Variants in SLCO4A1 observed in about 807,000 individuals in gnomAD.
SLCO4A1 encodes solute carrier organic anion transporter family member 4A1, also known as colon organic anion transporter.
In SLCO4A1, 51 loss-of-function variants were observed where a neutral mutation model predicts 64.6. The ratio of observed to expected loss-of-function variants is 0.79; its 90% CI spans 0.63 to 1.00. The LOEUF is 1.00. SLCO4A1 is among the 50% of genes least tolerant of loss of function. The pLI is 0.00. For missense variants in SLCO4A1, 919 were observed against 980.5 expected (o/e 0.94, Z 0.84); for synonymous variants, 471 against 444.9 (o/e 1.06, Z -0.74).
At chr20:62,681,830 A>G (rs1319138259) in intron 2 of SLCO4A1, among the ~76,000 whole-genome samples, 1 of 152,212 alleles carries the variant, frequency 6.6e-6, no homozygotes, top group African/African-American at 2.4e-5. Flanking sequence ...CACTGAAAAA[A>G]AAATCCGTTT....
intron 1 of SLCO4A1, among the ~76,000 whole-genome samples, chr20:62,653,588 C>T (rs1486390409): frequency 6.6e-6 from 1 of 152,252 alleles, no homozygotes; most frequent in Non-Finnish European, 1.5e-5. Flanking sequence ...ACCGGCTGCG[C>T]CTCCGCTCCC....
chr20:62,678,391 C>T (rs1442909822), intron 2 of SLCO4A1, among the ~76,000 whole-genome samples: 7 of 152,118 alleles, frequency 4.6e-5, no homozygotes, highest in Non-Finnish European at 7.4e-5. Context: ...GAGAGCAATA[C>T]GGCCGCTCGG....
chr20:62,684,875 A>G (rs1357492856), intron 2 of SLCO4A1, among the ~76,000 whole-genome samples: 1 of 152,156 alleles, frequency 6.6e-6, no homozygotes, highest in African/African-American at 2.4e-5. Flanking sequence ...TGGTGAGTTT[A>G]GTCTGCAGCA....
chr20:62,659,632 G>C (rs1488253457), intron 3 of SLCO4A1, among the ~76,000 whole-genome samples: 1 of 152,214 alleles, frequency 6.6e-6, no homozygotes, highest in Non-Finnish European at 1.5e-5. Context: ...TGCACAAAGT[G>C]GGGAGGCAGA....
chr20:62,677,698 T>G (rs1987657600), intron 2 of SLCO4A1, among the ~76,000 whole-genome samples: 1 of 152,226 alleles, frequency 6.6e-6, no homozygotes, highest in African/African-American at 2.4e-5. Context: ...GCACCCTCTT[T>G]TTGAGCCTGG....
At chr20:62,663,886 C>T (rs1985558652) in intron 5 of SLCO4A1, among the ~76,000 whole-genome samples, 1 of 152,200 alleles carries the variant, frequency 6.6e-6, no homozygotes, top group East Asian at 1.9e-4. Flanking sequence ...TGGTTTACAC[C>T]ATGCAACACG....
chr20:62,665,845 C>T (rs930747848), intron 6 of SLCO4A1: 2 of 153,046 alleles, frequency 1.3e-5, no homozygotes, highest in Non-Finnish European at 2.9e-5. Context: ...GTCCCCTCTC[C>T]ACCTGTCCCC....
In SLCO4A1 at chr20:62,661,412, GC is replaced by G. The variant is rs1471680376; in HGVS notation, c.1121+240del. On this transcript the variant is annotated intron_variant, in intron 5 of 11. Transcript: ENST00000217159. This position sits in a 1 kb window ranked among gnomAD's most constrained non-coding sequence, Gnocchi z 5.2. ...GTCCCAGAGTGGGGCCGGGGCCTCG[GC>G]CCGCACCCAGGGAGCCATCACTTCA... Among the ~76,000 whole-genome samples, 2 of 152,012 alleles carry G rather than the reference GC, an allele frequency of 1.3e-5. No individual in the cohort carries two copies. The highest frequency in any genetic ancestry group is 2.9e-5 in the Non-Finnish European group (2 of 67,958).
At position 62,656,450 on chromosome 20, in the gene SLCO4A1, C is replaced by T. The variant is rs372047921; in HGVS notation, c.-5C>T. 1.1e-4 allele frequency: 163 copies of T among 1,469,384 alleles called. No homozygotes were observed. In the African/African-American group the frequency reaches 1.8e-3, roughly 16 times the overall value. The allele number at this position is 1,469,384 out of a possible 1,614,324, so 91.0% of individuals were successfully genotyped here. A position where few individuals can be genotyped will look rare whatever the true frequency, so the allele number is the denominator to read the frequency against. On this transcript the variant is annotated 5_prime_UTR_variant, in exon 2 of 12. Transcript: ENST00000217159. ...GCCTCGAGGTCACCAGGCGGAGGCG[C>T]GGAGATGCCCCTGCATCAGCTGGGG...
rs1340670111 is a variant in SLCO4A1 at position 62,645,887 on chromosome 20, G to T, written c.-97+3334G>T. 6.6e-6 allele frequency among the ~76,000 whole-genome samples: 1 copy of T among 152,092 alleles called. No homozygotes were observed. Among genetic ancestry groups the T allele is most frequent in the Non-Finnish European group, 1.5e-5 (1 of 68,016 alleles). On this transcript the variant is annotated intron_variant, in intron 1 of 11. Transcript: ENST00000217159. The surrounding 1 kb of genome is among the most constrained non-coding windows in gnomAD (Gnocchi z 4.2). Reference sequence around the variant, plus strand: ...AGGCATTGCCCCTCTGGCCCAAGCCGCAGGGAGAGCTTGCGATGCTTTGGG... The same window carrying T: ...AGGCATTGCCCCTCTGGCCCAAGCCTCAGGGAGAGCTTGCGATGCTTTGGG...
At chr20:62,690,085 G>A (rs1374254300), downstream of SLCO4A1, among the ~76,000 whole-genome samples, 1 of 152,202 alleles carries the variant, frequency 6.6e-6, no homozygotes, top group Non-Finnish European at 1.5e-5. Context: ...GGGCCTGTCT[G>A]CCGTGGATTC....
At chr20:62,678,140 G>A (rs889965480) in intron 2 of SLCO4A1, among the ~76,000 whole-genome samples, 1 of 152,244 alleles carries the variant, frequency 6.6e-6, no homozygotes, top group Non-Finnish European at 1.5e-5. Flanking sequence ...GGACACAGAG[G>A]CAGAAAACGT....
At chr20:62,686,207 T>TCCTG (rs1988055556), downstream of SLCO4A1, among the ~76,000 whole-genome samples, 1 of 152,144 alleles carries the variant, frequency 6.6e-6, no homozygotes. Flanking sequence ...AGTGCGGAGC[T>TCCTG]CCTGGTACAG....
Position 62,670,513 on chromosome 20 carries a change from C to G in SLCO4A1, c.2026-1237C>G, listed in dbSNP as rs941380859. On this transcript the variant is annotated intron_variant, in intron 11 of 11. Transcript: ENST00000217159. ...TGCCAATGGGAAGCCGGAGGCGCCT[C>G]CTTCAGCGAGAAGGTGTAGTTCCTT... Among the ~76,000 whole-genome samples, 5 of 152,348 alleles carry G rather than the reference C, an allele frequency of 3.3e-5. 1 individual carries two copies. The highest frequency in any genetic ancestry group is 3.9e-4 in the East Asian group (2 of 5,186).
rs1984771707 is a variant in SLCO4A1, at chr20:62,661,266, T to C, written c.1121+91T>C. On this transcript the variant is annotated intron_variant, in intron 5 of 11. Transcript: ENST00000217159. The surrounding 1 kb of genome is among the most constrained non-coding windows in gnomAD (Gnocchi z 5.2). ...AGTCGTTGAGACCCCTCCGGGATCA[T>C]GATGGGGACGCAGCCCCTAACCTCT... 1 of 883,360 alleles carries C rather than the reference T, an allele frequency of 1.1e-6. No homozygotes were observed. The highest frequency in any genetic ancestry group is 1.4e-5 in the South Asian group (1 of 73,790). 54.7% of individuals were successfully genotyped at this position (883,360 alleles called of 1,614,324 possible). A position where few individuals can be genotyped will look rare whatever the true frequency, so the allele number is the denominator to read the frequency against.
In SLCO4A1 at chr20:62,666,514, G is replaced by A. The variant is rs981531617; in HGVS notation, c.1411G>A (p.Val471Ile). The change falls in exon 7 of 12, where the codon GTC (valine) becomes ATC (isoleucine). Residue 471 changes from valine (V) to isoleucine (I), a missense_variant. Val to Ile is a conservative substitution (Grantham distance 29, BLOSUM62 3). Transcript: ENST00000217159. ...CGTTGTCAGCCTGCTGGGCATCCTC[G>A]TCTTCTCACTGCACTGCCCCAGTGT... ...CTVVSLLGIL[V>I]FSLHCPSVPM... 1.5e-5 allele frequency: 25 copies of A among 1,613,426 alleles called. No homozygotes were observed. The highest frequency in any genetic ancestry group is 3.3e-4 in the Middle Eastern group (2 of 6,060).
chr20:62,671,930 A>G lies in SLCO4A1; in HGVS notation c.*37A>G. 6.2e-7 allele frequency: 1 copy of G among 1,604,872 alleles called. No homozygotes were observed. Among genetic ancestry groups the G allele is most frequent in the Non-Finnish European group, 8.5e-7 (1 of 1,179,972 alleles). On this transcript the variant is annotated 3_prime_UTR_variant, in exon 12 of 12. Transcript: ENST00000217159. ...GCCCACCCGGCCACGGCGGGCACTC[A>G]GCATTTCCTGATGACAGAACAGTGC...
chr20:62,684,974 G>A (rs1203407860), intron 2 of SLCO4A1, among the ~76,000 whole-genome samples: 2 of 152,258 alleles, frequency 1.3e-5, no homozygotes, highest in East Asian at 3.9e-4. Context: ...CCCGGCCAAA[G>A]CATGCACAGG....
intron 1 of SLCO4A1, chr20:62,650,547 G>A (rs1982279274): frequency 6.6e-6 from 1 of 152,286 alleles, no homozygotes; most frequent in South Asian, 2.1e-4. Flanking sequence ...GAACGCAGAG[G>A]TGACGTTCAC....
Sources: allele counts gnomAD v4.1 joint callset (sites outside exome capture counted in the v4.1 genomes callset), GRCh38; gene constraint gnomAD v4.1.1; non-coding constraint Gnocchi (gnomAD v3.1); transcripts MANE v1.5; gene names NCBI Gene and HGNC (gene_info 2026-07-23, HGNC 2026-07-21).